Variants in GRB10 observed in about 807,000 individuals in gnomAD.
The protein encoded by GRB10 is growth factor receptor-bound protein 10.
GRB10 carries 20 observed loss-of-function variants against 80.9 expected under a neutral mutation model. That is an observed-to-expected ratio of 0.25 (90% confidence interval 0.17 to 0.36). The LOEUF (loss-of-function observed/expected upper bound fraction) is 0.36. GRB10 is among the 10% of genes least tolerant of loss of function. The pLI, the probability that GRB10 is intolerant of heterozygous loss-of-function variation, is 1.00. For missense variants in GRB10, 548 were observed against 747.7 expected (o/e 0.73, Z 3.12); for synonymous variants, 291 against 291.5 (o/e 1.00, Z 0.02).
intron 7 of GRB10, among the ~76,000 whole-genome samples, chr7:50,630,454 G>A (rs577231710): frequency 2.6e-5 from 4 of 152,236 alleles, no homozygotes; most frequent in African/African-American, 7.2e-5. Flanking sequence ...CCCCTGACAC[G>A]TGCCCTCCCT....
intron 16 of GRB10, 31 bp from the exon 17 acceptor site, chr7:50,604,116 T>C (rs763558904): frequency 7.0e-6 from 11 of 1,565,786 alleles, no homozygotes; most frequent in Non-Finnish European, 9.7e-6. Flanking sequence ...GAGGGTAGGA[T>C]GGTGGTGCCT....
intron 2 of GRB10, among the ~76,000 whole-genome samples, chr7:50,756,533 C>T (rs1311405507): frequency 6.6e-6 from 1 of 152,252 alleles, no homozygotes; most frequent in African/African-American, 2.4e-5. Context: ...CCGCTGGGCA[C>T]TCTGCATGGA....
chr7:50,699,439 A>G (rs560645895), intron 5 of GRB10, among the ~76,000 whole-genome samples: 4 of 152,344 alleles, frequency 2.6e-5, no homozygotes, highest in African/African-American at 7.2e-5. Flanking sequence ...CTAGTTGAGT[A>G]CAAATTTTGT....
chr7:50,683,201 A>G (rs770086403), intron 5 of GRB10, among the ~76,000 whole-genome samples: 14 of 152,350 alleles, frequency 9.2e-5, no homozygotes, highest in East Asian at 3.9e-4. Flanking sequence ...TGAGGACATA[A>G]TAAGCCAGTC....
intron 13 of GRB10, among the ~76,000 whole-genome samples, chr7:50,608,224 G>A (rs2048878868): frequency 6.6e-6 from 1 of 152,176 alleles, no homozygotes; most frequent in Non-Finnish European, 1.5e-5. Context: ...AAAACAACCA[G>A]AGGAAAACGT....
Position 50,674,447 on chromosome 7 carries a change from G to A in GRB10, c.351C>T (p.Ile117=). Reference sequence around the variant, plus strand: ...AGGCCTGGACCTACCTGACAGCGAGGATGTGCACAGGCTGGGAGCGCTGCA... The same window carrying A: ...AGGCCTGGACCTACCTGACAGCGAGAATGTGCACAGGCTGGGAGCGCTGCA... The part of the protein sequence containing the change: ...QRVQRSQPVH[I]LAVRRLQEED... The change falls in exon 6 of 19, where the codon ATC becomes ATT. Residue 117 remains isoleucine (I), a synonymous_variant. Transcript: ENST00000401949. 6.2e-7 allele frequency: 1 copy of A among 1,605,104 alleles called. No homozygotes were observed. The highest frequency in any genetic ancestry group is 2.2e-5 in the East Asian group (1 of 44,882).
intron 4 of GRB10, among the ~76,000 whole-genome samples, chr7:50,713,595 T>C (rs1318257366): frequency 1.4e-3 from 58 of 41,862 alleles, no homozygotes; most frequent in South Asian, 3.5e-3. Context: ...CCACCTCCTC[T>C]ACCATCTCCA....
At chr7:50,789,378 C>G (rs1041386873) in intron 1 of GRB10, among the ~76,000 whole-genome samples, 2 of 152,218 alleles carry the variant, frequency 1.3e-5, no homozygotes, top group African/African-American at 2.4e-5. Context: ...GTGCCAATCA[C>G]ACACATCACA....
At chr7:50,793,190 A>T (rs957345346) in intron 1 of GRB10, 1 of 144,212 alleles carries the variant, frequency 6.9e-6, no homozygotes. Flanking sequence ...ACCACAAAGT[A>T]ACTTGCCGCC....
intron 7 of GRB10, among the ~76,000 whole-genome samples, chr7:50,656,203 A>G (rs958192068): frequency 6.6e-6 from 1 of 152,208 alleles, no homozygotes; most frequent in African/African-American, 2.4e-5. Context: ...GCGCGGGCTG[A>G]GCGCAGAGTG....
chr7:50,605,356 T>C lies in GRB10; in HGVS notation c.1323A>G (p.Thr441=), dbSNP rs1306363351. ...SLVAMDFSGQ[T]GRVIENPAEA... ...CTGCCGGATTCTCTATCACGCGTCC[T>C]GTTTGCCCAGAAAAATCCATTGCCA... Residue 441 remains threonine, a synonymous_variant, in exon 15 of 19, where the codon ACA becomes ACG. Transcript: ENST00000401949. 4 of 1,614,212 alleles carry C rather than the reference T, an allele frequency of 2.5e-6. No homozygotes were observed. The highest frequency in any genetic ancestry group is 2.2e-5 in the South Asian group (2 of 91,090).
intron 3 of GRB10, among the ~76,000 whole-genome samples, chr7:50,752,810 TGAACCCC>T (rs1360593907): frequency 6.6e-6 from 1 of 152,176 alleles, no homozygotes; most frequent in Non-Finnish European, 1.5e-5. Context: ...TGTGATGCTT[TGAACCCC>T]AGGCAACCCC....
At chr7:50,604,403 C>G in intron 15 of GRB10, 26 bp from the exon 16 acceptor site, 2 of 1,590,096 alleles carry the variant, frequency 1.3e-6, no homozygotes, top group Non-Finnish European at 1.7e-6. Context: ...CACATTAGCA[C>G]CGAGGACAGC....
At chr7:50,773,716 A>G (rs1347636050) in intron 2 of GRB10, among the ~76,000 whole-genome samples, 9 of 152,204 alleles carry the variant, frequency 5.9e-5, no homozygotes. Context: ...AAAACATGGA[A>G]AGCAAGTACT....
chr7:50,608,632 A>G (rs776912988), intron 13 of GRB10, among the ~76,000 whole-genome samples: 8 of 152,254 alleles, frequency 5.3e-5, no homozygotes, highest in Non-Finnish European at 1.2e-4. Context: ...GAAAGCAGTC[A>G]GTAAATGTAC....
chr7:50,783,446 AC>A (rs144750329), upstream of GRB10, among the ~76,000 whole-genome samples: 1 of 126,870 alleles, frequency 7.9e-6, no homozygotes, highest in African/African-American at 3.0e-5. Context: ...TCACACACAC[AC>A]CACACACATC....
chr7:50,707,864 C>T (rs2065264883), intron 4 of GRB10, among the ~76,000 whole-genome samples: 1 of 152,174 alleles, frequency 6.6e-6, no homozygotes, highest in Non-Finnish European at 1.5e-5. Context: ...GAGGCCCATT[C>T]CTCTGTCAGA....
At chr7:50,595,601 T>TGACACACACA in intron 17 of GRB10, 71 bp from the exon 18 acceptor site, 72 of 556,276 alleles carry the variant, frequency 1.3e-4, no homozygotes, top group East Asian at 5.0e-4. Flanking sequence ...ACACACTCTC[T>TGACACACACA]TACACACACA....
chr7:50,756,838 C>A (rs1304218240), intron 2 of GRB10, among the ~76,000 whole-genome samples: 1 of 152,148 alleles, frequency 6.6e-6, no homozygotes, highest in Non-Finnish European at 1.5e-5. Flanking sequence ...CATTGGAATG[C>A]CACTGGATTC....
Sources: gnomAD v4.1 joint callset for allele counts (sites outside exome capture counted in the v4.1 genomes callset) on GRCh38, gnomAD v4.1.1 for gene constraint, MANE v1.5 for transcripts, NCBI Gene and HGNC (gene_info 2026-07-23, HGNC 2026-07-21) for gene names.